The following PCDH9 variants were observed in gnomAD, a reference collection of about 807,000 sequenced individuals.
The protein encoded by PCDH9 is protocadherin 9.
A neutral mutation model predicts 70.6 loss-of-function variants in PCDH9; 24 were observed. That is an observed-to-expected ratio of 0.34 (90% CI 0.25 to 0.48). The LOEUF (loss-of-function observed/expected upper bound fraction) is 0.48. PCDH9 is among the 20% of genes least tolerant of loss of function. PCDH9 has a pLI of 0.99. For synonymous variants in PCDH9, 562 were observed against 558.5 expected (o/e 1.01, Z -0.09); for missense variants, 1,281 against 1,503.6 (o/e 0.85, Z 2.45).
chr13:67,211,832 G>T (rs2089474832), intron 2 of PCDH9: 1 of 152,066 alleles, frequency 6.6e-6, no homozygotes, highest in East Asian at 1.9e-4. Context: ...ATTCCAGCCA[G>T]AATTTAATAT....
intron 2 of PCDH9, among the ~76,000 whole-genome samples, chr13:66,961,906 C>A (rs2083353441): frequency 6.6e-6 from 1 of 151,666 alleles, no homozygotes; most frequent in Admixed American, 6.6e-5. Flanking sequence ...CAAAAATTAG[C>A]CGGGCATGGT....
chr13:67,142,593 G>C (rs1274964351), intron 2 of PCDH9, among the ~76,000 whole-genome samples: 1 of 152,168 alleles, frequency 6.6e-6, no homozygotes, highest in Non-Finnish European at 1.5e-5. Flanking sequence ...GACAACCTTT[G>C]AGAGTGTATA....
intron 4 of PCDH9, among the ~76,000 whole-genome samples, chr13:66,564,189 A>G (rs534454972): frequency 1.5e-4 from 23 of 152,120 alleles, no homozygotes; most frequent in African/African-American, 5.1e-4. Flanking sequence ...TTTTAAGACA[A>G]TGTGTTGCTT....
chr13:67,012,915 C>T (rs930155071), intron 2 of PCDH9, among the ~76,000 whole-genome samples: 5 of 151,914 alleles, frequency 3.3e-5, no homozygotes, highest in African/African-American at 1.2e-4. Context: ...GAGAAAAGAG[C>T]ACTCTTCTCA....
intron 2 of PCDH9, among the ~76,000 whole-genome samples, chr13:67,136,666 CT>C (rs374963565): frequency 7.7e-4 from 117 of 152,158 alleles, no homozygotes; most frequent in African/African-American, 2.7e-3. Context: ...GAAATGGAGA[CT>C]GAAATTGCTG....
intron 2 of PCDH9, chr13:67,222,258 C>A (rs201040662): frequency 7.5e-4 from 46 of 61,608 alleles, no homozygotes; most frequent in South Asian, 3.8e-3. Flanking sequence ...TTTTTTTTTA[C>A]AAATAATTAC....
At chr13:67,187,376 C>T (rs988938456) in intron 2 of PCDH9, among the ~76,000 whole-genome samples, 8 of 152,038 alleles carry the variant, frequency 5.3e-5, no homozygotes, top group African/African-American at 1.7e-4. Context: ...AAAGTGTCCG[C>T]GAATGGATTT....
chr13:66,471,771 A>C (rs1311529353), intron 4 of PCDH9, among the ~76,000 whole-genome samples: 1 of 152,202 alleles, frequency 6.6e-6, no homozygotes, highest in Non-Finnish European at 1.5e-5. Flanking sequence ...CTAGCTCTAG[A>C]GTTTCCTAAC....
intron 4 of PCDH9, among the ~76,000 whole-genome samples, chr13:66,357,620 T>G (rs1447733614): frequency 1.3e-5 from 2 of 152,092 alleles, no homozygotes; most frequent in African/African-American, 2.4e-5. Flanking sequence ...AATTCTTAGT[T>G]GCTTAATTGG....
chr13:66,984,827 T>C (rs778709256), intron 2 of PCDH9, among the ~76,000 whole-genome samples: 1 of 152,166 alleles, frequency 6.6e-6, no homozygotes, highest in Non-Finnish European at 1.5e-5. Flanking sequence ...ATTTTCTTTC[T>C]GTTTTTAGGG....
intron 4 of PCDH9, among the ~76,000 whole-genome samples, chr13:66,318,056 T>TA (rs1449363221): frequency 1.3e-5 from 2 of 152,134 alleles, no homozygotes. Context: ...GCCTGTATAA[T>TA]AGAGTTTGTA....
intron 2 of PCDH9, among the ~76,000 whole-genome samples, chr13:67,133,745 G>A (rs1257733736): frequency 1.3e-5 from 2 of 151,790 alleles, no homozygotes; most frequent in Non-Finnish European, 2.9e-5. Flanking sequence ...AGAAATGAAA[G>A]GTTATTAAAA....
chr13:67,180,926 T>C (rs1164186684), intron 2 of PCDH9, among the ~76,000 whole-genome samples: 2 of 151,980 alleles, frequency 1.3e-5, no homozygotes, highest in Admixed American at 1.3e-4. Flanking sequence ...TGTTACCTTT[T>C]AGCACCATCA....
chr13:67,084,997 A>AAATATAT lies in PCDH9; in HGVS notation c.3036+140407_3036+140408insATATATT, dbSNP rs1566414172. Among the ~76,000 whole-genome samples, 5 of 33,200 alleles carry AAATATAT rather than the reference A, an allele frequency of 1.5e-4. 1 individual carries two copies. Among genetic ancestry groups the AAATATAT allele is most frequent in the African/African-American group, 2.3e-4 (2 of 8,654 alleles). 21.8% of individuals were successfully genotyped at this position (33,200 alleles called of 152,430 possible). A position where few individuals can be genotyped will look rare whatever the true frequency, so the allele number is the denominator to read the frequency against. On this transcript the variant is annotated intron_variant, in intron 2 of 4. Transcript: ENST00000377865. ...AAAAAAAAAAAAAAAAAAAAAAAAA[A>AAATATAT]ATATATATATATATATATATATATA... is the stretch of plus-strand genomic sequence containing the variant.
intron 4 of PCDH9, among the ~76,000 whole-genome samples, chr13:66,450,389 T>C (rs1291867306): frequency 1.3e-5 from 2 of 152,264 alleles, no homozygotes; most frequent in Non-Finnish European, 2.9e-5. Flanking sequence ...TAATGAATGA[T>C]AGGATATTTT....
At chr13:67,198,084 T>G (rs189440758) in intron 2 of PCDH9, among the ~76,000 whole-genome samples, 11 of 151,764 alleles carry the variant, frequency 7.2e-5, no homozygotes, top group Admixed American at 1.3e-4. Flanking sequence ...ATGATTTTTA[T>G]GAACTATAGG....
chr13:66,591,892 A>T (rs2077043673), intron 4 of PCDH9, among the ~76,000 whole-genome samples: 1 of 151,710 alleles, frequency 6.6e-6, no homozygotes, highest in Admixed American at 6.6e-5. Flanking sequence ...TTACATTATA[A>T]CATTACAAGT....
At chr13:66,389,320 A>G (rs879122261) in intron 4 of PCDH9, among the ~76,000 whole-genome samples, 1 of 152,174 alleles carries the variant, frequency 6.6e-6, no homozygotes, top group Admixed American at 6.5e-5. Context: ...TTTGAAAAAA[A>G]TGTGACCTGT....
At chr13:66,539,730 T>C (rs1362110981) in intron 4 of PCDH9, among the ~76,000 whole-genome samples, 1 of 152,154 alleles carries the variant, frequency 6.6e-6, no homozygotes, top group Non-Finnish European at 1.5e-5. Flanking sequence ...TTGCATTATT[T>C]TTGTAAACAC....
Sources: gnomAD v4.1 joint callset for allele counts (sites outside exome capture counted in the v4.1 genomes callset) on GRCh38, gnomAD v4.1.1 for gene constraint, MANE v1.5 for transcripts, NCBI Gene and HGNC (gene_info 2026-07-23, HGNC 2026-07-21) for gene names.